MIR2052HG: variants seen among roughly 807,000 people sequenced by gnomAD.
MIR2052HG encodes MIR2052 host gene.
intron 1 of MIR2052HG, among the ~76,000 whole-genome samples, chr8:74,601,004 G>A (rs185417605): frequency 1.7e-3 from 256 of 152,262 alleles, no homozygotes; most frequent in Admixed American, 3.3e-3. Context: ...AAGCCAGAAA[G>A]GCATTTAGAA....
At chr8:74,680,387 C>G (rs1033056807) in intron 2 of MIR2052HG, among the ~76,000 whole-genome samples, 1 of 151,944 alleles carries the variant, frequency 6.6e-6, no homozygotes, top group Admixed American at 6.6e-5. Context: ...ACAACCCCAT[C>G]AAAAAGTGGG....
intron 4 of MIR2052HG, among the ~76,000 whole-genome samples, chr8:74,751,964 T>C (rs1441537728): frequency 2.0e-5 from 3 of 152,082 alleles, no homozygotes; most frequent in Non-Finnish European, 4.4e-5. Context: ...TCCAAATACA[T>C]TGTCAGCAGA....
intron 4 of MIR2052HG, among the ~76,000 whole-genome samples, chr8:74,743,619 G>A (rs1809853928): frequency 6.6e-6 from 1 of 152,166 alleles, no homozygotes; most frequent in African/African-American, 2.4e-5. Flanking sequence ...CGATTTATCT[G>A]GGACTGTGTT....
At chr8:74,733,306 C>T (rs973888642) in intron 4 of MIR2052HG, among the ~76,000 whole-genome samples, 6 of 152,040 alleles carry the variant, frequency 3.9e-5, no homozygotes, top group African/African-American at 1.4e-4. Flanking sequence ...TATTCAATTC[C>T]CACCTATGAG....
At chr8:74,674,084 C>G (rs1256925220) in intron 2 of MIR2052HG, among the ~76,000 whole-genome samples, 1 of 150,622 alleles carries the variant, frequency 6.6e-6, no homozygotes, top group Non-Finnish European at 1.5e-5. Flanking sequence ...ACATTGCTAA[C>G]ATAATGGAAG....
chr8:74,662,858 T>TTGTG (rs68089808), intron 2 of MIR2052HG, among the ~76,000 whole-genome samples: 2,081 of 144,278 alleles, frequency 0.014, 36 homozygotes, highest in African/African-American at 0.04. Flanking sequence ...AATGACTCAT[T>TTGTG]TGTGTGTGTG....
intron 4 of MIR2052HG, chr8:74,752,347 G>T: frequency 2.6e-6 from 1 of 379,348 alleles, no homozygotes; most frequent in South Asian, 1.9e-5. Flanking sequence ...AATTTCAAAG[G>T]CATAGGTCTC....
At chr8:74,628,286 T>C (rs1808462771) in intron 2 of MIR2052HG, among the ~76,000 whole-genome samples, 1 of 152,132 alleles carries the variant, frequency 6.6e-6, no homozygotes, top group African/African-American at 2.4e-5. Flanking sequence ...AAGCAGAAAC[T>C]AAACATTCGT....
At chr8:74,697,123 T>C (rs1225206108) in intron 2 of MIR2052HG, among the ~76,000 whole-genome samples, 1 of 151,942 alleles carries the variant, frequency 6.6e-6, no homozygotes, top group African/African-American at 2.4e-5. Context: ...AAAAAGATAA[T>C]CCACCATGAT....
At chr8:74,710,847 T>C (rs1331857715) in intron 4 of MIR2052HG, among the ~76,000 whole-genome samples, 1 of 152,176 alleles carries the variant, frequency 6.6e-6, no homozygotes, top group Non-Finnish European at 1.5e-5. Flanking sequence ...TGAGTCACAA[T>C]TCAAATTACC....
At chr8:74,668,478 T>A (rs1808956134) in intron 2 of MIR2052HG, among the ~76,000 whole-genome samples, 2 of 152,170 alleles carry the variant, frequency 1.3e-5, no homozygotes, top group Non-Finnish European at 2.9e-5. Context: ...ACTAGAGCAG[T>A]TGTTTTGCTG....
intron 2 of MIR2052HG, among the ~76,000 whole-genome samples, chr8:74,652,682 A>T (rs191286405): frequency 2.7e-4 from 41 of 152,344 alleles, no homozygotes; most frequent in Non-Finnish European, 4.9e-4. Context: ...ATTCTGCATT[A>T]AATGTGCTTA....
intron 4 of MIR2052HG, among the ~76,000 whole-genome samples, chr8:74,749,472 A>C (rs1809921120): frequency 6.6e-6 from 1 of 152,172 alleles, no homozygotes; most frequent in Non-Finnish European, 1.5e-5. Flanking sequence ...CTGTTAAGTA[A>C]TTTTCAAAAT....
chr8:74,742,745 T>A (rs1004850680), intron 4 of MIR2052HG, among the ~76,000 whole-genome samples: 1 of 152,156 alleles, frequency 6.6e-6, no homozygotes, highest in African/African-American at 2.4e-5. Context: ...AGTTATTAGT[T>A]CTCTAGGTGT....
chr8:74,651,947 G>C (rs531548367), intron 2 of MIR2052HG, among the ~76,000 whole-genome samples: 13 of 152,246 alleles, frequency 8.5e-5, no homozygotes, highest in Admixed American at 2.6e-4. Context: ...GTACTGAACT[G>C]TGTCTTCTCT....
chr8:74,735,250 T>C (rs1027949977), intron 4 of MIR2052HG, among the ~76,000 whole-genome samples: 2 of 152,236 alleles, frequency 1.3e-5, no homozygotes, highest in Admixed American at 6.5e-5. Context: ...CCTTCTCTCC[T>C]GTCCTCCTTT....
intron 4 of MIR2052HG, among the ~76,000 whole-genome samples, chr8:74,751,102 C>T (rs1809939125): frequency 1.3e-5 from 2 of 152,190 alleles, no homozygotes; most frequent in Non-Finnish European, 2.9e-5. Context: ...AAAATCAATG[C>T]TGGTGGCACT....
At chr8:74,649,552 A>G (rs1808731014) in intron 2 of MIR2052HG, among the ~76,000 whole-genome samples, 1 of 152,128 alleles carries the variant, frequency 6.6e-6, no homozygotes, top group Non-Finnish European at 1.5e-5. Context: ...TGCACATATA[A>G]AAGTTTATTG....
rs533032535 is a variant in MIR2052HG at position 74,691,035 on chromosome 8, A to T, written n.217-11344A>T. Among the ~76,000 whole-genome samples, 735 of 152,374 alleles carry T rather than the reference A, an allele frequency of 4.8e-3. 10 individuals are homozygous for T. The highest frequency in any genetic ancestry group is 0.016 in the African/African-American group (684 of 41,590). On this transcript the variant is annotated intron_variant and non_coding_transcript_variant, in intron 2 of 6. Coordinates refer to ENST00000523442, the Ensembl canonical transcript of MIR2052HG. ...TATTATTGGGTCGAGAACGTAAAAA[A>T]TTCAAAATAGGGTATAACCACAAGG...
Sources: gnomAD v4.1 joint callset for allele counts (sites outside exome capture counted in the v4.1 genomes callset) on GRCh38, gnomAD v4.1.1 for gene constraint, MANE v1.5 for transcripts, NCBI Gene and HGNC (gene_info 2026-07-23, HGNC 2026-07-21) for gene names.